The following NLGN4Y variants were observed in gnomAD, a reference collection of about 807,000 sequenced individuals.
The protein encoded by NLGN4Y is neuroligin-4, Y-linked.
Under a neutral mutation model 8.4 loss-of-function variants are expected in NLGN4Y, and 4 were observed. That is an observed-to-expected ratio of 0.48 (90% CI 0.23 to 1.09). The LOEUF (loss-of-function observed/expected upper bound fraction) is 1.09, where lower values mean the gene tolerates loss of function less well. NLGN4Y is among the 50% of genes least tolerant of loss of function. The pLI is 0.19. For missense variants in NLGN4Y, 90 were observed against 192.3 expected, an observed-to-expected ratio of 0.47 and a Z score of 3.15; for synonymous variants, 35 against 75.6, an observed-to-expected ratio of 0.46 and a Z score of 2.78.
intron 4 of NLGN4Y, chrY:14,798,700 G>A (rs2043021031): frequency 3.0e-5 from 1 of 33,122 alleles, no homozygotes; most frequent in African/African-American, 1.2e-4. Flanking sequence ...TTATGTAGAA[G>A]AGTTTTCATC....
intron 6 of NLGN4Y, among the ~76,000 whole-genome samples, chrY:14,832,836 A>G (rs2043184826): frequency 3.0e-5 from 1 of 33,782 alleles, no homozygotes; most frequent in African/African-American, 1.2e-4. Flanking sequence ...GGCGAAATTA[A>G]AATTGCTAAT....
chrY:14,650,354 C>T (rs745447619), intron 2 of NLGN4Y, among the ~76,000 whole-genome samples: 10 of 33,427 alleles, frequency 3.0e-4, no homozygotes, highest in African/African-American at 1.2e-3. Flanking sequence ...CTGAGTTTTA[C>T]ATGTTGTAAA....
chrY:14,771,263 T>G (rs962045348), intron 4 of NLGN4Y, among the ~76,000 whole-genome samples: 3 of 30,932 alleles, frequency 9.7e-5, no homozygotes, highest in African/African-American at 3.8e-4. Flanking sequence ...TTCACCAAGG[T>G]TGAAATGAAG....
At chrY:14,566,176 A>C in intron 1 of NLGN4Y, among the ~76,000 whole-genome samples, 1 of 33,471 alleles carries the variant, frequency 3.0e-5, no homozygotes, top group Non-Finnish European at 7.4e-5. Flanking sequence ...TAACAATATT[A>C]ACCTTAAATG....
In NLGN4Y at chrY:14,841,146, A is replaced by T; in HGVS notation, c.2395A>T (p.Ile799Phe). Residue 799 changes from isoleucine to phenylalanine, a missense_variant, in exon 7 of 7, where the codon ATC becomes TTC. By Grantham distance (21) the Ile-to-Phe change is conservative. This residue lies in a region of NLGN4Y where 37 missense variants were observed against 94.0 expected (regional missense o/e 0.39). Transcript: ENST00000684976. ...CATCCCATTTATGACGCCAAACACC[A>T]TCACCATGATTCCAAACACATTGAT... Reference protein sequence around the residue: ...DDIPFMTPNTITMIPNTLMGM... With the variant: ...DDIPFMTPNTFTMIPNTLMGM... 1 of 398,632 alleles carries T rather than the reference A, an allele frequency of 2.5e-6. No homozygotes were observed. The highest frequency in any genetic ancestry group is 9.2e-5 in the East Asian group (1 of 10,828).
At chrY:14,633,888 A>G in intron 2 of NLGN4Y, among the ~76,000 whole-genome samples, 1 of 33,423 alleles carries the variant, frequency 3.0e-5, no homozygotes, top group Non-Finnish European at 7.4e-5. Flanking sequence ...CTTGTTGACA[A>G]TAGGTCCTAT....
At chrY:14,748,658 G>T in intron 4 of NLGN4Y, 2 of 185,996 alleles carry the variant, frequency 1.1e-5, no homozygotes, top group Non-Finnish European at 2.1e-5. Flanking sequence ...AAGCATCGTT[G>T]TCAGCTGCAC....
chrY:14,652,704 G>T (rs1021946918), intron 2 of NLGN4Y, among the ~76,000 whole-genome samples: 2 of 32,226 alleles, frequency 6.2e-5, no homozygotes, highest in Non-Finnish European at 1.5e-4. Context: ...CTCCTATCTT[G>T]ATTATATCCT....
intron 5 of NLGN4Y, among the ~76,000 whole-genome samples, chrY:14,827,506 C>A: frequency 8.9e-5 from 3 of 33,617 alleles, no homozygotes; most frequent in African/African-American, 3.5e-4. Context: ...ATGAGCCCGG[C>A]ACTGTGGCTC....
Position 14,840,688 on chromosome Y carries a change from G to A in NLGN4Y, c.1937G>A (p.Arg646Gln), listed in dbSNP as rs1267296620. Reference sequence around the variant, plus strand: ...ATGACATCATTTCCCTATGGCACCCGGCGATCTCCCGCCAAGATATGGCCA... The same window carrying A: ...ATGACATCATTTCCCTATGGCACCCAGCGATCTCCCGCCAAGATATGGCCA... ...PDMTSFPYGTRRSPAKIWPTT... is the reference protein window; with the variant it reads ...PDMTSFPYGTQRSPAKIWPTT... Residue 646 changes from arginine (R) to glutamine (Q), a missense_variant, in exon 7 of 7, where the codon CGG (arginine) becomes CAG (glutamine). Physicochemically the swap from Arg to Gln is conservative, Grantham distance 43 (BLOSUM62 1). This residue lies in a region of NLGN4Y where 37 missense variants were observed against 94.0 expected (regional missense o/e 0.39). Transcript: ENST00000684976. The A allele has an allele frequency of 5.0e-6, 2 of 398,604 alleles. No individual in the cohort carries two copies. The highest frequency in any genetic ancestry group is 9.2e-5 in the East Asian group (1 of 10,825).
chrY:14,661,499 AAAAC>A, intron 2 of NLGN4Y, among the ~76,000 whole-genome samples: 1 of 32,851 alleles, frequency 3.0e-5, no homozygotes, highest in Non-Finnish European at 7.5e-5. Flanking sequence ...CTAAAATTAA[AAAAC>A]AAACAAAAAC....
At chrY:14,828,498 T>C (rs2043157897) in intron 5 of NLGN4Y, among the ~76,000 whole-genome samples, 1 of 32,876 alleles carries the variant, frequency 3.0e-5, no homozygotes, top group Non-Finnish European at 7.4e-5. Flanking sequence ...TTTTTTTCTT[T>C]TGGACATTTT....
intron 6 of NLGN4Y, among the ~76,000 whole-genome samples, chrY:14,830,957 C>T: frequency 2.9e-5 from 1 of 34,093 alleles, no homozygotes; most frequent in Admixed American, 2.6e-4. Context: ...CCTTGAACTC[C>T]TAGGCTCAAG....
intron 3 of NLGN4Y, 61 bp from the exon 4 acceptor site, chrY:14,723,056 G>T (rs1603503227): frequency 3.1e-6 from 1 of 318,721 alleles, no homozygotes; most frequent in Non-Finnish European, 4.6e-6. Flanking sequence ...TCTTAATTTA[G>T]CATCAGTGAG....
At chrY:14,825,066 C>T (rs985169850) in intron 5 of NLGN4Y, among the ~76,000 whole-genome samples, 1 of 33,222 alleles carries the variant, frequency 3.0e-5, no homozygotes, top group African/African-American at 1.2e-4. Flanking sequence ...CTTTTAACCA[C>T]GTGTTTTTTT....
At chrY:14,725,570 G>A in intron 4 of NLGN4Y, among the ~76,000 whole-genome samples, 1 of 33,195 alleles carries the variant, frequency 3.0e-5, no homozygotes, top group Non-Finnish European at 7.4e-5. Context: ...TTCTACCTTG[G>A]AATTGCAATT....
intron 1 of NLGN4Y, among the ~76,000 whole-genome samples, chrY:14,598,341 C>G (rs2080412677): frequency 2.9e-5 from 1 of 34,234 alleles, no homozygotes; most frequent in Non-Finnish European, 7.4e-5. Flanking sequence ...AGCCCTGCCC[C>G]GTGGGAAGGC....
At chrY:14,595,212 C>T in intron 1 of NLGN4Y, among the ~76,000 whole-genome samples, 1 of 32,913 alleles carries the variant, frequency 3.0e-5, no homozygotes, top group African/African-American at 1.2e-4. Context: ...CCAAATTCCC[C>T]TCCTGCTACA....
chrY:14,595,751 C>T (rs9699384), intron 1 of NLGN4Y, among the ~76,000 whole-genome samples: 6,305 of 32,789 alleles, frequency 0.19, no homozygotes, highest in African/African-American at 0.61. Flanking sequence ...TCCAAGAACC[C>T]GCAACGGTCC....
Sources: gnomAD v4.1 joint callset for allele counts (sites outside exome capture counted in the v4.1 genomes callset) on GRCh38, gnomAD v4.1.1 for gene constraint, gnomAD v4.1.1 regional missense constraint, MANE v1.5 for transcripts, NCBI Gene and HGNC (gene_info 2026-07-23, HGNC 2026-07-21) for gene names.